Variants in SENP7 observed in about 807,000 individuals in gnomAD.
The protein encoded by SENP7 is sentrin-specific protease 7.
Under a neutral mutation model 141.2 loss-of-function variants are expected in SENP7, and 64 were observed. The observed-to-expected ratio is 0.45, with a 90% CI of 0.37 to 0.56. SENP7 has a LOEUF of 0.56. Among genes scored for constraint, SENP7 ranks in the 20% least tolerant of loss-of-function variants. The pLI is 0.00. For synonymous variants in SENP7, 382 were observed against 426.4 expected (o/e 0.90, Z 1.28); for missense variants, 1,025 against 1,212.2 (o/e 0.85, Z 2.29).
At chr3:101,503,055 T>C (rs1435877834) in intron 1 of SENP7, among the ~76,000 whole-genome samples, 3 of 152,096 alleles carry the variant, frequency 2.0e-5, no homozygotes, top group African/African-American at 4.8e-5. Context: ...AAAGAACTCC[T>C]ACAAAGCAAA....
intron 3 of SENP7, among the ~76,000 whole-genome samples, chr3:101,490,991 C>T (rs780583252): frequency 3.3e-5 from 5 of 151,626 alleles, no homozygotes; most frequent in South Asian, 4.2e-4. Flanking sequence ...TTAACTTTTG[C>T]GAATATCAAA....
chr3:101,429,949 T>C (rs932190747), intron 4 of SENP7, among the ~76,000 whole-genome samples: 3 of 152,198 alleles, frequency 2.0e-5, no homozygotes, highest in Admixed American at 1.3e-4. Context: ...GATAATCATG[T>C]GGTTTTTGTC....
chr3:101,467,658 T>A (rs895993432), intron 3 of SENP7, among the ~76,000 whole-genome samples: 1 of 151,584 alleles, frequency 6.6e-6, no homozygotes, highest in Non-Finnish European at 1.5e-5. Flanking sequence ...AGGAATAGCA[T>A]CAACATCAAC....
At chr3:101,382,633 T>C (rs1037104334) in intron 6 of SENP7, among the ~76,000 whole-genome samples, 1 of 152,202 alleles carries the variant, frequency 6.6e-6, no homozygotes, top group African/African-American at 2.4e-5. Flanking sequence ...AAAAGGGAGT[T>C]CTTAATAAAT....
At chr3:101,474,020 T>C (rs953422655) in intron 3 of SENP7, among the ~76,000 whole-genome samples, 2 of 152,214 alleles carry the variant, frequency 1.3e-5, no homozygotes, top group African/African-American at 4.8e-5. Context: ...TTTTGTCAGG[T>C]TTGCCAAAGA....
intron 4 of SENP7, among the ~76,000 whole-genome samples, chr3:101,455,534 G>T (rs2107857144): frequency 6.6e-6 from 1 of 151,820 alleles, no homozygotes; most frequent in Middle Eastern, 3.4e-3. Context: ...AGCATAATTT[G>T]ATTTAAAAAA....
At position 101,367,821 on chromosome 3, in the gene SENP7, T is replaced by C; in HGVS notation, c.978+9A>G. 1.3e-6 allele frequency: 2 copies of C among 1,529,176 alleles called. No homozygotes were observed. Among genetic ancestry groups the C allele is most frequent in the Non-Finnish European group, 1.8e-6 (2 of 1,118,264 alleles). The allele number at this position is 1,529,176 out of a possible 1,614,324, so 94.7% of individuals were successfully genotyped here. A position where few individuals can be genotyped will look rare whatever the true frequency, so the allele number is the denominator to read the frequency against. ...TTATTTCCTATAATATCTAAATACC[T>C]CTACTTACTGTCTGTTCTGTTGACT... On this transcript the variant is annotated intron_variant, in intron 8 of 23. Transcript: ENST00000394095.
intron 3 of SENP7, among the ~76,000 whole-genome samples, chr3:101,474,152 T>G (rs939265596): frequency 2.6e-5 from 4 of 152,182 alleles, no homozygotes; most frequent in African/African-American, 9.6e-5. Flanking sequence ...TCTTTTTGCT[T>G]AGGATTGCCT....
chr3:101,351,762 T>G (rs1176913954), intron 11 of SENP7, 111 bp from the exon 12 acceptor site: 1 of 821,022 alleles, frequency 1.2e-6, no homozygotes. Flanking sequence ...TTATAAGTGC[T>G]CAAGCCTTTT....
rs571496673 is a variant in SENP7, at chr3:101,498,212, A to C, written c.90+2858T>G. ...TACACTGATAGATGCTAAAATAGTA[A>C]ACAAAAGTTTGAGAAGAAATAGTAT... On this transcript the variant is annotated intron_variant, in intron 2 of 23. Transcript: ENST00000394095. 1.5e-4 allele frequency among the ~76,000 whole-genome samples: 23 copies of C among 152,336 alleles called. No homozygotes were observed. The South Asian group carries it at 4.8e-3, about 32-fold the overall frequency.
At chr3:101,340,004 G>T in intron 16 of SENP7, 91 bp downstream of exon 16, 1 of 1,411,500 alleles carries the variant, frequency 7.1e-7, no homozygotes, top group Non-Finnish European at 9.3e-7. Flanking sequence ...ACTTTTAACA[G>T]AATTTAAAAT....
At chr3:101,452,016 C>G (rs529022297) in intron 4 of SENP7, among the ~76,000 whole-genome samples, 1 of 152,344 alleles carries the variant, frequency 6.6e-6, no homozygotes, top group South Asian at 2.1e-4. Flanking sequence ...TCAGCAAAGT[C>G]TCAGGATACA....
chr3:101,418,855 A>G (rs1430924638), intron 4 of SENP7, among the ~76,000 whole-genome samples: 2 of 152,198 alleles, frequency 1.3e-5, no homozygotes, highest in Admixed American at 1.3e-4. Flanking sequence ...ATTAAAAAAT[A>G]AATGACATCT....
rs188667391 is a variant in SENP7 at position 101,498,961 on chromosome 3, G to A, written c.90+2109C>T. On this transcript the variant is annotated intron_variant, in intron 2 of 23. Transcript: ENST00000394095. Reference sequence around the variant, plus strand: ...TGTCCATGGGAAAACTGTCTTCCACGATACTGGTCCCTGGTGCCAAACAGG... The same window carrying A: ...TGTCCATGGGAAAACTGTCTTCCACAATACTGGTCCCTGGTGCCAAACAGG... Among the ~76,000 whole-genome samples the A allele has an allele frequency of 2.7e-3, 408 of 152,244 alleles. 5 individuals carry two copies. The highest frequency in any genetic ancestry group is 0.023 in the Admixed American group (354 of 15,282).
At chr3:101,343,634 A>G in intron 14 of SENP7, 52 bp downstream of exon 14, 1 of 1,531,122 alleles carries the variant, frequency 6.5e-7, no homozygotes, top group Middle Eastern at 1.8e-4. Flanking sequence ...CAATGAATAA[A>G]TGTTTTCTGA....
At chr3:101,415,104 T>C (rs554096262) in intron 5 of SENP7, among the ~76,000 whole-genome samples, 1 of 149,986 alleles carries the variant, frequency 6.7e-6, no homozygotes, top group Non-Finnish European at 1.5e-5. Flanking sequence ...GTCACTAACT[T>C]AGAAGGGAAA....
intron 3 of SENP7, among the ~76,000 whole-genome samples, chr3:101,467,051 G>C (rs2063783287): frequency 6.6e-6 from 1 of 152,228 alleles, no homozygotes; most frequent in Non-Finnish European, 1.5e-5. Flanking sequence ...TGGCTCGGCA[G>C]GTCCCACGCC....
intron 3 of SENP7, among the ~76,000 whole-genome samples, chr3:101,477,352 G>C (rs2064259675): frequency 6.6e-6 from 1 of 151,986 alleles, no homozygotes; most frequent in South Asian, 2.1e-4. Context: ...CCAGAGTCAG[G>C]GAAGAAATTA....
intron 5 of SENP7, among the ~76,000 whole-genome samples, chr3:101,410,927 A>T (rs1332063129): frequency 2.0e-5 from 3 of 148,808 alleles, no homozygotes; most frequent in Admixed American, 6.9e-5. Flanking sequence ...TCCAATTCCT[A>T]CTTTACTGAT....
Sources: allele counts gnomAD v4.1 joint callset (sites outside exome capture counted in the v4.1 genomes callset), GRCh38; gene constraint gnomAD v4.1.1; transcripts MANE v1.5; gene names NCBI Gene and HGNC (gene_info 2026-07-23, HGNC 2026-07-21).